DNAJC13: variants seen among roughly 807,000 people sequenced by gnomAD.
The protein encoded by DNAJC13 is dnaJ homolog subfamily C member 13.
Under a neutral mutation model 290.5 loss-of-function variants are expected in DNAJC13, and 75 were observed. That is an observed-to-expected ratio of 0.26 (90% confidence interval 0.21 to 0.31). The LOEUF (loss-of-function observed/expected upper bound fraction) is 0.31, where lower values mean the gene tolerates loss of function less well. Among genes scored for constraint, DNAJC13 ranks in the 10% least tolerant of loss-of-function variants. The pLI is 1.00. For missense variants in DNAJC13, 2,260 were observed against 2,674.5 expected, an observed-to-expected ratio of 0.85 and a Z score of 3.42; for synonymous variants, 862 against 892.0, an observed-to-expected ratio of 0.97 and a Z score of 0.60.
At chr3:132,537,299 C>T in intron 55 of DNAJC13, 1 of 451,490 alleles carries the variant, frequency 2.2e-6, no homozygotes, top group Admixed American at 2.4e-5. Context: ...GCATGCCGCT[C>T]CCACTGCCTT....
intron 1 of DNAJC13, among the ~76,000 whole-genome samples, chr3:132,429,523 A>G (rs1304795579): frequency 1.3e-5 from 2 of 152,228 alleles, no homozygotes; most frequent in Non-Finnish European, 2.9e-5. Flanking sequence ...TGGTAAATGC[A>G]TAGGCTGAAC....
chr3:132,479,339 TGTAA>T, intron 25 of DNAJC13, 50 bp downstream of exon 25: 1 of 1,276,070 alleles, frequency 7.8e-7, no homozygotes, highest in Non-Finnish European at 1.1e-6. Flanking sequence ...CATATAAGTA[TGTAA>T]GATAAACTCA....
At chr3:132,474,386 A>G (rs62292947) in intron 21 of DNAJC13, 14,105 of 152,180 alleles carry the variant, frequency 0.093, 816 homozygotes, top group Middle Eastern at 0.14. Flanking sequence ...GATTATAGGC[A>G]TGTGCCACCA....
rs755133841 is a variant in DNAJC13 at position 132,494,214 on chromosome 3, T to C, written c.3896T>C (p.Ile1299Thr). Residue 1299 changes from isoleucine (I) to threonine (T), a missense_variant, in exon 34 of 56, where the codon ATA becomes ACA. By Grantham distance (89) the Ile-to-Thr change is moderately conservative. Around this residue, in one of 3 missense-constraint regions of DNAJC13, gnomAD observed 1,494 missense variants for 1,693.7 expected, o/e 0.88. Transcript: ENST00000260818. ...EVEKKPPMMS[I>T]DDAYEVLNLP... ...GAAAAGAAGCCACCTATGATGTCAA[T>C]AGATGATGCTTATGAAGTGCTTAAT... 5.6e-6 allele frequency: 9 copies of C among 1,613,258 alleles called. No homozygotes were observed. The highest frequency in any genetic ancestry group is 1.1e-5 in the South Asian group (1 of 90,880).
intron 20 of DNAJC13, among the ~76,000 whole-genome samples, chr3:132,468,722 A>G (rs562037672): frequency 8.8e-4 from 134 of 152,296 alleles, no homozygotes; most frequent in African/African-American, 2.8e-3. Context: ...AAGGCACTAT[A>G]TACATATATG....
At chr3:132,421,911 G>T (rs1287958328) in intron 1 of DNAJC13, among the ~76,000 whole-genome samples, 1 of 152,134 alleles carries the variant, frequency 6.6e-6, no homozygotes, top group Non-Finnish European at 1.5e-5. Context: ...ATTAAACCCT[G>T]CAAAATGTAC....
In DNAJC13 at chr3:132,462,517, A is replaced by C; in HGVS notation, c.1764A>C (p.Ile588=). The C allele has an allele frequency of 6.2e-7, 1 of 1,607,288 alleles. No individual in the cohort carries two copies. Among genetic ancestry groups the C allele is most frequent in the Non-Finnish European group, 8.5e-7 (1 of 1,177,212 alleles). Reference sequence around the variant, plus strand: ...GAGCTGGGTTGGTTATGAAGGCAATAATAGAGGTGAGAGAACAATTTTGAA... The same window carrying C: ...GAGCTGGGTTGGTTATGAAGGCAATCATAGAGGTGAGAGAACAATTTTGAA... ...IKGAGLVMKA[I]IEEGDKEIAT... is the part of the protein sequence containing the mutation. The change falls in exon 16 of 56, where the codon ATA becomes ATC. Residue 588 remains isoleucine (I), a synonymous_variant. Transcript: ENST00000260818.
chr3:132,455,875 A>G lies in DNAJC13; in HGVS notation c.933-360A>G, dbSNP rs142958391. Among the ~76,000 whole-genome samples the G allele has an allele frequency of 1.2e-3, 177 of 152,342 alleles. 2 individuals are homozygous for G. The highest frequency in any genetic ancestry group is 4.1e-3 in the African/African-American group (171 of 41,584). On this transcript the variant is annotated intron_variant, in intron 9 of 55. Coordinates refer to ENST00000260818, the MANE Select transcript of DNAJC13 (RefSeq NM_015268.4). The stretch of plus-strand genomic sequence containing the variant: ...AAATTTTTTGGAGTGATGAAAATAT[A>G]TCAGAACTGATGATGATTATACAGT...
intron 46 of DNAJC13, chr3:132,514,898 A>AC: frequency 5.4e-6 from 1 of 185,020 alleles, no homozygotes; most frequent in Non-Finnish European, 9.5e-6. Context: ...CCAAAGGAAA[A>AC]TAACCTGGGA....
chr3:132,471,974 G>A (rs1934285153), intron 20 of DNAJC13, among the ~76,000 whole-genome samples: 1 of 147,570 alleles, frequency 6.8e-6, no homozygotes, highest in South Asian at 2.3e-4. Context: ...CTGAGTGAAC[G>A]AGACTCCGTC....
chr3:132,532,488 T>A (rs1936444693), intron 55 of DNAJC13, among the ~76,000 whole-genome samples: 1 of 152,138 alleles, frequency 6.6e-6, no homozygotes, highest in African/African-American at 2.4e-5. Context: ...TATTTTAACT[T>A]TTCCATCCCC....
intron 20 of DNAJC13, among the ~76,000 whole-genome samples, chr3:132,467,671 T>C (rs1271176462): frequency 6.6e-6 from 1 of 152,066 alleles, no homozygotes; most frequent in African/African-American, 2.4e-5. Flanking sequence ...TTCACCGTGT[T>C]AGCCAGGATG....
chr3:132,515,361 C>T (rs1034490013), intron 46 of DNAJC13, among the ~76,000 whole-genome samples: 2 of 152,002 alleles, frequency 1.3e-5, no homozygotes, highest in East Asian at 1.9e-4. Flanking sequence ...GAGAAGGAAC[C>T]GTGTCGTTCA....
chr3:132,509,719 C>G (rs1935709178), intron 43 of DNAJC13, among the ~76,000 whole-genome samples: 1 of 152,200 alleles, frequency 6.6e-6, no homozygotes, highest in Non-Finnish European at 1.5e-5. Context: ...CAGCAGCTGT[C>G]AACATCAAGG....
intron 48 of DNAJC13, among the ~76,000 whole-genome samples, chr3:132,517,087 G>A (rs940022552): frequency 6.6e-6 from 1 of 152,202 alleles, no homozygotes; most frequent in Admixed American, 6.5e-5. Flanking sequence ...GGAACAAAAA[G>A]TATATCAAGA....
rs187423536 is a variant in DNAJC13, at chr3:132,446,368, A to G, written c.69-107A>G. ...AGCTATATTTAGTCACCATTAATCAACTAACACATTTCTATGTATTGAACT... is the reference window on the plus strand; with the variant it reads ...AGCTATATTTAGTCACCATTAATCAGCTAACACATTTCTATGTATTGAACT... On this transcript the variant is annotated intron_variant, in intron 2 of 55. Coordinates refer to ENST00000260818, the MANE Select transcript of DNAJC13 (RefSeq NM_015268.4). 197 of 696,368 alleles carry G rather than the reference A, an allele frequency of 2.8e-4. No individual in the cohort carries two copies. The African/African-American group carries it at 3.2e-3, about 11-fold the overall frequency. The allele number at this position is 696,368 out of a possible 1,614,324, so 43.1% of individuals were successfully genotyped here.
chr3:132,472,511 CTT>C (rs997327231), intron 20 of DNAJC13: 22 of 962,316 alleles, frequency 2.3e-5, no homozygotes, highest in Non-Finnish European at 2.5e-5. Flanking sequence ...GGCTCATTCT[CTT>C]TTTATTTTCT....
At position 132,493,810 on chromosome 3, in the gene DNAJC13, T is replaced by C. The variant is rs778479847; in HGVS notation, c.3826-334T>C. Reference sequence around the variant, plus strand: ...CTGGACACTTTAAAAATTAAAACTTTTAGGTTTTATCTTTCACCCGTAAAG... The same window carrying C: ...CTGGACACTTTAAAAATTAAAACTTCTAGGTTTTATCTTTCACCCGTAAAG... On this transcript the variant is annotated intron_variant, in intron 33 of 55. Coordinates refer to ENST00000260818, the MANE Select transcript of DNAJC13 (RefSeq NM_015268.4). Among the ~76,000 whole-genome samples, 334 of 144,132 alleles carry C rather than the reference T, an allele frequency of 2.3e-3. 1 individual carries two copies. Among genetic ancestry groups the C allele is most frequent in the Non-Finnish European group, 3.6e-3 (232 of 64,762 alleles). 94.6% of individuals were successfully genotyped at this position (144,132 alleles called of 152,430 possible).
At chr3:132,419,545 A>G (rs1041985749) in intron 1 of DNAJC13, among the ~76,000 whole-genome samples, 6 of 152,212 alleles carry the variant, frequency 3.9e-5, no homozygotes, top group African/African-American at 1.4e-4. Flanking sequence ...CCGGTTCTCA[A>G]TAGGTCCCAA....
Sources: gnomAD v4.1 joint callset for allele counts (sites outside exome capture counted in the v4.1 genomes callset) on GRCh38, gnomAD v4.1.1 for gene constraint, gnomAD v4.1.1 regional missense constraint, MANE v1.5 for transcripts, NCBI Gene and HGNC (gene_info 2026-07-23, HGNC 2026-07-21) for gene names.